Variants in MAST4 observed in about 807,000 individuals in gnomAD.
MAST4 encodes microtubule-associated serine/threonine-protein kinase 4.
In MAST4, 89 loss-of-function variants were observed where a neutral mutation model predicts 162.7. That is an observed-to-expected ratio of 0.55 (90% CI 0.46 to 0.65). MAST4 has a LOEUF of 0.65. Ranked by LOEUF, MAST4 falls within the 30% of genes least tolerant of loss-of-function variation. The pLI, the probability that MAST4 is intolerant of heterozygous loss-of-function variation, is 0.00. For missense variants in MAST4, 3,153 were observed against 3,374.0 expected, an observed-to-expected ratio of 0.93 and a Z score of 1.62; for synonymous variants, 1,479 against 1,361.1, an observed-to-expected ratio of 1.09 and a Z score of -1.91.
At chr5:67,004,248 CGCGGCCGGG>C (rs1751670821) in intron 4 of MAST4, among the ~76,000 whole-genome samples, 1 of 152,030 alleles carries the variant, frequency 6.6e-6, no homozygotes. Flanking sequence ...GCTCCTCAGG[CGCGGCCGGG>C]GCTGGTGGGG....
intron 4 of MAST4, among the ~76,000 whole-genome samples, chr5:67,016,916 A>G (rs1210196236): frequency 6.6e-6 from 1 of 152,242 alleles, no homozygotes; most frequent in Non-Finnish European, 1.5e-5. Flanking sequence ...CTGATTATGG[A>G]TGGCAATACA....
At chr5:66,972,954 C>T (rs1041078424) in intron 4 of MAST4, among the ~76,000 whole-genome samples, 20 of 152,204 alleles carry the variant, frequency 1.3e-4, no homozygotes, top group African/African-American at 4.6e-4. Flanking sequence ...ACCCCTTCAA[C>T]TTTTTTTTAA....
At chr5:67,108,861 A>G (rs887386702) in intron 10 of MAST4, among the ~76,000 whole-genome samples, 4 of 152,160 alleles carry the variant, frequency 2.6e-5, no homozygotes, top group East Asian at 1.9e-4. Flanking sequence ...GAACGATTGT[A>G]AATGTTTATT....
intron 4 of MAST4, among the ~76,000 whole-genome samples, chr5:66,961,888 G>A (rs919846718): frequency 1.3e-5 from 2 of 152,354 alleles, no homozygotes; most frequent in Non-Finnish European, 2.9e-5. Context: ...AATATGCTCT[G>A]AGTGTATAAG....
At chr5:66,876,556 T>A (rs1761313042) in intron 3 of MAST4, among the ~76,000 whole-genome samples, 1 of 152,124 alleles carries the variant, frequency 6.6e-6, no homozygotes, top group African/African-American at 2.4e-5. Flanking sequence ...AAATCTTGTA[T>A]CAGTACAATG....
Position 67,166,974 on chromosome 5 carries a change from A to G in MAST4, c.7795A>G (p.Asn2599Asp), listed in dbSNP as rs762650797. 2 of 1,612,496 alleles carry G rather than the reference A, an allele frequency of 1.2e-6. No individual in the cohort carries two copies. The highest frequency in any genetic ancestry group is 1.7e-6 in the Non-Finnish European group (2 of 1,179,664). The stretch of plus-strand genomic sequence containing the variant: ...CACTGACCGCCCCATCTCTCTTTCT[A>G]ATGAGAAGGACTTTGTGGTACGGCA... ...PNTDRPISLSNEKDFVVRQRR... is the reference protein window; with the variant it reads ...PNTDRPISLSDEKDFVVRQRR... The change falls in exon 29 of 29, where the codon AAT (asparagine) becomes GAT (aspartate). Residue 2599 changes from asparagine to aspartate, a missense_variant. By Grantham distance (23) the Asn-to-Asp change is conservative. Transcript: ENST00000403625.
intron 14 of MAST4, among the ~76,000 whole-genome samples, chr5:67,127,888 C>T (rs1160814792): frequency 6.6e-6 from 1 of 152,132 alleles, no homozygotes; most frequent in African/African-American, 2.4e-5. Context: ...TTCAATTTAA[C>T]CTAAATATAC....
At chr5:66,611,558 A>T (rs1263948466) in intron 1 of MAST4, among the ~76,000 whole-genome samples, 3 of 152,246 alleles carry the variant, frequency 2.0e-5, no homozygotes, top group African/African-American at 7.2e-5. Context: ...AATGACAGTG[A>T]TTCCTTCAGA....
intron 4 of MAST4, among the ~76,000 whole-genome samples, chr5:66,955,018 TAGTGAAACC>T (rs892809685): frequency 2.0e-5 from 3 of 151,452 alleles, no homozygotes; most frequent in African/African-American, 7.3e-5. Flanking sequence ...CTGGGCAACA[TAGTGAAACC>T]CATCTCTACA....
rs1303155307 is a variant in MAST4, at chr5:67,166,463, G to A, written c.7284G>A (p.Pro2428=). ...RGKGPGPQKP[P]TEADKPNGMK... ...AAGGGCCCGGTCCCCAGAAGCCACC[G>A]ACGGAGGCAGACAAGCCCAATGGCA... The change falls in exon 29 of 29, where the codon CCG becomes CCA. Residue 2428 remains proline (P), a synonymous_variant. Transcript: ENST00000403625. 5 of 1,601,906 alleles carry A rather than the reference G, an allele frequency of 3.1e-6. No homozygotes were observed. The African/African-American group carries it at 4.0e-5, about 13-fold the overall frequency.
At chr5:66,659,292 A>C (rs1045122221) in intron 1 of MAST4, among the ~76,000 whole-genome samples, 2 of 152,204 alleles carry the variant, frequency 1.3e-5, no homozygotes, top group Admixed American at 6.5e-5. Context: ...GATGGGAAGT[A>C]TAGCTTCCTT....
intron 5 of MAST4, among the ~76,000 whole-genome samples, chr5:67,067,037 C>T (rs879477332): frequency 8.9e-4 from 136 of 152,244 alleles, no homozygotes; most frequent in African/African-American, 3.1e-3. Flanking sequence ...GACCTGATGA[C>T]GTCAGTGAGA....
chr5:67,164,521 T>C lies in MAST4; in HGVS notation c.5342T>C (p.Val1781Ala). The C allele has an allele frequency of 6.2e-7, 1 of 1,613,944 alleles. No homozygotes were observed. The highest frequency in any genetic ancestry group is 2.2e-5 in the East Asian group (1 of 44,862). Residue 1781 changes from valine to alanine, a missense_variant, in exon 29 of 29, where the codon GTT (valine) becomes GCT (alanine). By Grantham distance (64) the Val-to-Ala change is moderately conservative. Transcript: ENST00000403625. The surrounding 1 kb of genome is among the most constrained non-coding windows in gnomAD (Gnocchi z 5.3). ...KPGLVAPESP[V>A]RKSPSEYKLE... ...GGCTTGGTTGCTCCTGAGTCCCCTG[T>C]TAGGAAGAGCCCCTCCGAGTATAAG...
chr5:66,834,135 A>T (rs1458022751), intron 3 of MAST4, among the ~76,000 whole-genome samples: 1 of 152,190 alleles, frequency 6.6e-6, no homozygotes, highest in East Asian at 1.9e-4. Flanking sequence ...CAATGAAAAG[A>T]TGGCGTACAT....
rs12658198 is a variant in MAST4, at chr5:66,975,572, G to A, written c.674+75590G>A. Among the ~76,000 whole-genome samples, 62 of 152,286 alleles carry A rather than the reference G, an allele frequency of 4.1e-4. No homozygotes were observed. The East Asian group carries it at 0.012, about 28-fold the overall frequency. On this transcript the variant is annotated intron_variant, in intron 4 of 28. Coordinates refer to ENST00000403625, the MANE Select transcript of MAST4 (RefSeq NM_001164664.2). ...AGTTTAAAAAAGACAGACCACTGTGGCAGGAGAGATTAAGGACAAGTGTGT... is the reference window on the plus strand; with the variant it reads ...AGTTTAAAAAAGACAGACCACTGTGACAGGAGAGATTAAGGACAAGTGTGT...
intron 3 of MAST4, among the ~76,000 whole-genome samples, chr5:66,810,938 G>A (rs1224364627): frequency 6.6e-6 from 1 of 152,226 alleles, no homozygotes; most frequent in African/African-American, 2.4e-5. Flanking sequence ...TGATAATGCT[G>A]CTATCACTTT....
intron 4 of MAST4, among the ~76,000 whole-genome samples, chr5:66,948,846 A>G (rs1054973741): frequency 6.6e-6 from 1 of 151,964 alleles, no homozygotes; most frequent in Non-Finnish European, 1.5e-5. Context: ...TTGAGTGCCC[A>G]CTCTGTGTGC....
intron 17 of MAST4, among the ~76,000 whole-genome samples, 155 bp from the exon 18 acceptor site, chr5:67,134,368 T>C (rs1033815982): frequency 3.3e-5 from 5 of 152,238 alleles, no homozygotes; most frequent in African/African-American, 1.2e-4. Flanking sequence ...ATTTTAAATA[T>C]CTTTTTATAA....
At chr5:66,901,927 A>C (rs573936169) in intron 4 of MAST4, among the ~76,000 whole-genome samples, 1 of 152,146 alleles carries the variant, frequency 6.6e-6, no homozygotes, top group Non-Finnish European at 1.5e-5. Context: ...AGAAAGGGAA[A>C]ATACTTTTTA....
Sources: allele counts gnomAD v4.1 joint callset (sites outside exome capture counted in the v4.1 genomes callset), GRCh38; gene constraint gnomAD v4.1.1; non-coding constraint Gnocchi (gnomAD v3.1); transcripts MANE v1.5; gene names NCBI Gene and HGNC (gene_info 2026-07-23, HGNC 2026-07-21).